The following PRKCB variants were observed in gnomAD, a reference collection of about 807,000 sequenced individuals.
PRKCB encodes protein kinase C beta type.
PRKCB carries 13 observed loss-of-function variants against 81.5 expected under a neutral mutation model. The observed-to-expected ratio is 0.16, with a 90% confidence interval of 0.10 to 0.25. PRKCB has a LOEUF of 0.25. Ranked by LOEUF, PRKCB falls within the 10% of genes least tolerant of loss-of-function variation. The probability of loss-of-function intolerance (pLI) is 1.00; values close to 1 mark genes in which losing one functional copy is unlikely to be tolerated. For synonymous variants in PRKCB, 335 were observed against 321.4 expected (o/e 1.04, Z -0.45); for missense variants, 509 against 875.7 (o/e 0.58, Z 5.29).
At chr16:23,942,547 T>C (rs542621158) in intron 2 of PRKCB, among the ~76,000 whole-genome samples, 333 of 152,306 alleles carry the variant, frequency 2.2e-3, no homozygotes, top group Admixed American at 7.7e-3. Context: ...TCAAATTTTA[T>C]TTTTGTCTAC....
Position 24,218,483 on chromosome 16 carries a change from C to A in PRKCB, c.*3667C>A. 25 of 985,512 alleles carry A rather than the reference C, an allele frequency of 2.5e-5. No individual in the cohort carries two copies. The highest frequency in any genetic ancestry group is 2.9e-5 in the Non-Finnish European group (24 of 829,992). The allele number at this position is 985,512 out of a possible 1,614,324, so 61.0% of individuals were successfully genotyped here. ...GCCCCACTCTAGCCACACATACCCA[C>A]GTGTGCTCCTGAGTTCAGTGTGCCC... On this transcript the variant is annotated 3_prime_UTR_variant, in exon 17 of 17. Coordinates refer to ENST00000643927, the MANE Select transcript of PRKCB (RefSeq NM_002738.7).
intron 5 of PRKCB, among the ~76,000 whole-genome samples, chr16:24,064,235 C>G (rs972788804): frequency 2.6e-5 from 4 of 151,810 alleles, no homozygotes; most frequent in Admixed American, 6.6e-5. Context: ...TGTCCCTTTT[C>G]TAACTTTTTG....
chr16:24,085,322 C>G (rs1385567558), intron 5 of PRKCB, among the ~76,000 whole-genome samples: 1 of 152,174 alleles, frequency 6.6e-6, no homozygotes, highest in Non-Finnish European at 1.5e-5. Context: ...CTATTATTCT[C>G]AGACCTCCTC....
At chr16:23,974,509 G>A (rs1461904128) in intron 2 of PRKCB, among the ~76,000 whole-genome samples, 1 of 152,160 alleles carries the variant, frequency 6.6e-6, no homozygotes. Flanking sequence ...GGCAGGATCA[G>A]GACTGAGGCA....
At chr16:24,155,725 A>T (rs1282978537) in intron 10 of PRKCB, among the ~76,000 whole-genome samples, 1 of 152,154 alleles carries the variant, frequency 6.6e-6, no homozygotes, top group Non-Finnish European at 1.5e-5. Context: ...ATCTAATTTG[A>T]TGTCTTTAGT....
At chr16:24,158,537 TATAA>T (rs2141956389) in intron 10 of PRKCB, among the ~76,000 whole-genome samples, 1 of 52,424 alleles carries the variant, frequency 1.9e-5, no homozygotes, top group Admixed American at 1.6e-4. Flanking sequence ...CATGTATATG[TATAA>T]GTATATGTAT....
At chr16:23,865,517 ATGTGTGTG>A (rs1160958906) in intron 2 of PRKCB, among the ~76,000 whole-genome samples, 8 of 6,750 alleles carry the variant, frequency 1.2e-3, no homozygotes, top group Non-Finnish European at 1.9e-3. Context: ...ATATATATAT[ATGTGTGTG>A]TGTGTGTGTG....
rs753371346 is a variant in PRKCB, at chr16:24,154,664, A to G, written c.1066-20A>G. Reference sequence around the variant, plus strand: ...CCAGACTCCTTCCAACTGCCCTGACATGCTTGCTCTCTTTCCCAGGTCATG... The same window carrying G: ...CCAGACTCCTTCCAACTGCCCTGACGTGCTTGCTCTCTTTCCCAGGTCATG... On this transcript the variant is annotated intron_variant, in intron 9 of 16. Coordinates refer to ENST00000643927, the MANE Select transcript of PRKCB (RefSeq NM_002738.7). 1.2e-6 allele frequency: 2 copies of G among 1,613,284 alleles called. No individual in the cohort carries two copies. Among genetic ancestry groups the G allele is most frequent in the African/African-American group, 2.7e-5 (2 of 74,940 alleles).
intron 9 of PRKCB, among the ~76,000 whole-genome samples, chr16:24,137,023 G>A (rs772332032): frequency 5.3e-5 from 8 of 150,704 alleles, no homozygotes; most frequent in East Asian, 2.0e-4. Flanking sequence ...GATTATATGC[G>A]CATGCCACCA....
chr16:23,985,905 C>A (rs1209390838), intron 2 of PRKCB, among the ~76,000 whole-genome samples: 2 of 152,018 alleles, frequency 1.3e-5, no homozygotes, highest in Non-Finnish European at 2.9e-5. Flanking sequence ...CAAAGACAGA[C>A]CCCAGTATAT....
intron 3 of PRKCB, among the ~76,000 whole-genome samples, chr16:24,026,243 T>A (rs1291706100): frequency 6.6e-6 from 1 of 152,208 alleles, no homozygotes; most frequent in East Asian, 1.9e-4. Flanking sequence ...TGCGGTGAGC[T>A]ATGATCGCAC....
At chr16:23,855,833 G>C (rs1183141535) in intron 2 of PRKCB, among the ~76,000 whole-genome samples, 1 of 152,202 alleles carries the variant, frequency 6.6e-6, no homozygotes, top group Non-Finnish European at 1.5e-5. Context: ...CTCTTTGGAA[G>C]GCAGCATTAC....
At chr16:24,072,875 C>T in intron 5 of PRKCB, among the ~76,000 whole-genome samples, 1 of 152,090 alleles carries the variant, frequency 6.6e-6, no homozygotes, top group Non-Finnish European at 1.5e-5. Flanking sequence ...CGCCACGCAC[C>T]TGGCCTAACT....
chr16:24,151,904 G>A (rs1216321954), intron 9 of PRKCB: 8 of 454,724 alleles, frequency 1.8e-5, no homozygotes, highest in Non-Finnish European at 3.5e-5. Flanking sequence ...GGTGAAGGGG[G>A]AAATTCCCAG....
chr16:24,179,421 C>T (rs1346502148), intron 12 of PRKCB, among the ~76,000 whole-genome samples: 1 of 152,234 alleles, frequency 6.6e-6, no homozygotes, highest in African/African-American at 2.4e-5. Context: ...AGGGAAAGAT[C>T]TGAATTAAGG....
chr16:24,011,604 A>G (rs906888178), intron 3 of PRKCB, among the ~76,000 whole-genome samples: 22 of 152,084 alleles, frequency 1.4e-4, no homozygotes, highest in African/African-American at 4.8e-4. Context: ...GCAGCCTCCA[A>G]TTCCTGGGAT....
rs548071065 is a variant in PRKCB, at chr16:24,215,485, C to T, written c.*669C>T. The T allele has an allele frequency of 3.0e-6, 3 of 985,734 alleles. No homozygotes were observed. Among genetic ancestry groups the T allele is most frequent in the African/African-American group, 3.5e-5 (2 of 57,308 alleles). 61.1% of individuals were successfully genotyped at this position (985,734 alleles called of 1,614,324 possible). A position where few individuals can be genotyped will look rare whatever the true frequency, so the allele number is the denominator to read the frequency against. On this transcript the variant is annotated 3_prime_UTR_variant, in exon 17 of 17. Transcript: ENST00000643927. ...TAGTTTCTGATACTTTATGTCTTTG[C>T]TCACCCTCATCCCCAAACTACTTGA...
At chr16:23,883,626 G>A (rs1385795462) in intron 2 of PRKCB, among the ~76,000 whole-genome samples, 1 of 152,206 alleles carries the variant, frequency 6.6e-6, no homozygotes, top group Admixed American at 6.5e-5. Context: ...CAGATTTCTA[G>A]GTGAGAGATG....
At chr16:24,149,740 G>A (rs1319944562) in intron 9 of PRKCB, among the ~76,000 whole-genome samples, 9 of 152,088 alleles carry the variant, frequency 5.9e-5, no homozygotes, top group Non-Finnish European at 1.2e-4. Flanking sequence ...CTTGTTTTAG[G>A]TCACATACTG....
Sources: allele counts gnomAD v4.1 joint callset (sites outside exome capture counted in the v4.1 genomes callset), GRCh38; gene constraint gnomAD v4.1.1; transcripts MANE v1.5; gene names NCBI Gene and HGNC (gene_info 2026-07-23, HGNC 2026-07-21).